Variants in RBFOX1 observed in about 807,000 individuals in gnomAD.
RBFOX1 encodes the protein RNA binding fox-1 homolog 1.
Under a neutral mutation model 57.7 loss-of-function variants are expected in RBFOX1, and 8 were observed. That is an observed-to-expected ratio of 0.14 (90% CI 0.08 to 0.25). The LOEUF is 0.25. Ranked by LOEUF, RBFOX1 falls within the 10% of genes least tolerant of loss-of-function variation. The pLI is 1.00. For missense variants in RBFOX1, 611 were observed against 548.5 expected (o/e 1.11, Z -1.14); for synonymous variants, 326 against 222.4 (o/e 1.47, Z -4.15).
intron 2 of RBFOX1, among the ~76,000 whole-genome samples, chr16:5,489,646 T>C (rs1269006981): frequency 2.6e-5 from 4 of 152,216 alleles, no homozygotes; most frequent in Non-Finnish European, 4.4e-5. Flanking sequence ...ATAATTATTA[T>C]TGCAGGAGTT....
chr16:5,459,772 A>G (rs765967013), intron 1 of RBFOX1, among the ~76,000 whole-genome samples: 3 of 152,004 alleles, frequency 2.0e-5, no homozygotes, highest in Non-Finnish European at 4.4e-5. Flanking sequence ...CATTCACACC[A>G]TGACCTACCA....
chr16:6,034,844 G>A (rs1042489254), intron 1 of RBFOX1, among the ~76,000 whole-genome samples: 1 of 152,076 alleles, frequency 6.6e-6, no homozygotes, highest in Non-Finnish European at 1.5e-5. Context: ...GGGGATGTGG[G>A]GGCTGAGAGA....
At chr16:7,181,062 G>C (rs922542944) in intron 4 of RBFOX1, among the ~76,000 whole-genome samples, 2 of 152,182 alleles carry the variant, frequency 1.3e-5, no homozygotes. Flanking sequence ...AGGCTGATTT[G>C]GTCCACAGGC....
At chr16:6,916,990 C>G (rs1346512705) in intron 3 of RBFOX1, among the ~76,000 whole-genome samples, 1 of 152,086 alleles carries the variant, frequency 6.6e-6, no homozygotes, top group African/African-American at 2.4e-5. Flanking sequence ...GGTAGGATTA[C>G]ACATGCATGC....
intron 4 of RBFOX1, among the ~76,000 whole-genome samples, chr16:7,467,122 T>G (rs566533780): frequency 1.3e-5 from 2 of 152,216 alleles, no homozygotes; most frequent in African/African-American, 2.4e-5. Context: ...AACACAAGCA[T>G]CTAACAGAGG....
intron 2 of RBFOX1, among the ~76,000 whole-genome samples, chr16:5,515,709 A>G (rs1469101486): frequency 6.6e-6 from 1 of 152,206 alleles, no homozygotes; most frequent in Non-Finnish European, 1.5e-5. Context: ...TTTGGGAAAT[A>G]TGGCAAGTTC....
intron 3 of RBFOX1, among the ~76,000 whole-genome samples, chr16:6,801,217 A>AG (rs1316564458): frequency 9.2e-4 from 134 of 145,340 alleles, no homozygotes; most frequent in Admixed American, 1.3e-3. Context: ...AAAAAAAAAA[A>AG]GTAACGTTAC....
chr16:5,396,870 C>A (rs1380971667), intron 1 of RBFOX1, among the ~76,000 whole-genome samples: 1 of 152,192 alleles, frequency 6.6e-6, no homozygotes, highest in Non-Finnish European at 1.5e-5. Context: ...TAAATTGTTA[C>A]CGTGATTTAT....
At position 6,338,759 on chromosome 16, in the gene RBFOX1, C is replaced by T. The variant is rs541211422; in HGVS notation, c.-64+21702C>T. On this transcript the variant is annotated intron_variant, in intron 2 of 15. Coordinates refer to ENST00000550418, the MANE Select transcript of RBFOX1 (RefSeq NM_018723.4). ...AAGAGTGCATGTTTAACCAACTTCT[C>T]AAACCAGGTGACCATTATTATGTTC... is the stretch of plus-strand genomic sequence containing the variant. 8.5e-5 allele frequency among the ~76,000 whole-genome samples: 13 copies of T among 152,304 alleles called. No homozygotes were observed. The South Asian group carries it at 2.5e-3, about 29-fold the overall frequency.
At chr16:6,259,367 T>G (rs2097687889) in intron 1 of RBFOX1, among the ~76,000 whole-genome samples, 2 of 152,144 alleles carry the variant, frequency 1.3e-5, no homozygotes, top group South Asian at 4.1e-4. Flanking sequence ...CTTGAAAAAC[T>G]TCATCAGGAC....
rs145130987 is a variant in RBFOX1 at position 6,373,587 on chromosome 16, G to A, written c.-64+56530G>A. 9.1e-3 allele frequency among the ~76,000 whole-genome samples: 1,391 copies of A among 152,086 alleles called. 22 individuals carry two copies. The highest frequency in any genetic ancestry group is 0.03 in the African/African-American group (1,245 of 41,456). ...TGTGTAGAATGGAGATTGGGTGGAA[G>A]TATAGTCGGATGAGAGGATGGTTGG... On this transcript the variant is annotated intron_variant, in intron 2 of 15. Transcript: ENST00000550418.
chr16:7,654,616 G>C (rs1237482738), intron 12 of RBFOX1, among the ~76,000 whole-genome samples: 1 of 151,800 alleles, frequency 6.6e-6, no homozygotes, highest in Non-Finnish European at 1.5e-5. Flanking sequence ...GAATGTCAAG[G>C]AATGGTGTGA....
chr16:5,240,998 T>C (rs2062153103), intron 1 of RBFOX1, among the ~76,000 whole-genome samples: 1 of 152,220 alleles, frequency 6.6e-6, no homozygotes, highest in South Asian at 2.1e-4. Context: ...GACCTCTTTG[T>C]TCCTTCCAAA....
intron 3 of RBFOX1, among the ~76,000 whole-genome samples, chr16:6,918,416 T>G (rs1293213476): frequency 1.3e-5 from 2 of 152,152 alleles, no homozygotes; most frequent in Admixed American, 6.6e-5. Context: ...CTAATATTTT[T>G]GAACTGTAGC....
At chr16:5,254,162 A>G (rs989802671) in intron 1 of RBFOX1, among the ~76,000 whole-genome samples, 3 of 152,194 alleles carry the variant, frequency 2.0e-5, no homozygotes, top group African/African-American at 7.2e-5. Context: ...CATTTTACAG[A>G]TGAGAAAGTT....
chr16:5,828,498 G>T (rs1211599090), intron 3 of RBFOX1, among the ~76,000 whole-genome samples: 1 of 152,148 alleles, frequency 6.6e-6, no homozygotes, highest in Admixed American at 6.5e-5. Flanking sequence ...AATAGATCAA[G>T]ACCATCCTGA....
At chr16:5,698,988 T>A (rs2050937581) in intron 3 of RBFOX1, among the ~76,000 whole-genome samples, 1 of 93,750 alleles carries the variant, frequency 1.1e-5, no homozygotes, top group East Asian at 1.7e-3. Context: ...GTTGGATTTT[T>A]TTTTTTTTTT....
chr16:5,574,730 A>G (rs921315170), intron 2 of RBFOX1, among the ~76,000 whole-genome samples: 2 of 148,278 alleles, frequency 1.3e-5, no homozygotes, highest in African/African-American at 5.0e-5. Flanking sequence ...TGCTTCTCTC[A>G]CTCCTCCCTG....
intron 4 of RBFOX1, among the ~76,000 whole-genome samples, chr16:7,296,467 A>C (rs2095893117): frequency 6.6e-6 from 1 of 152,132 alleles, no homozygotes; most frequent in Non-Finnish European, 1.5e-5. Flanking sequence ...CTAGGGGATA[A>C]GAAGTCTGAG....
Sources: allele counts gnomAD v4.1 joint callset (sites outside exome capture counted in the v4.1 genomes callset), GRCh38; gene constraint gnomAD v4.1.1; transcripts MANE v1.5; gene names NCBI Gene and HGNC (gene_info 2026-07-23, HGNC 2026-07-21).